Variants in HMCN1 observed in about 807,000 individuals in gnomAD.
The protein encoded by HMCN1 is hemicentin-1.
A neutral mutation model predicts 625.9 loss-of-function variants in HMCN1; 321 were observed. The ratio of observed to expected loss-of-function variants is 0.51; its 90% CI spans 0.47 to 0.56. The LOEUF (loss-of-function observed/expected upper bound fraction) is 0.56, where lower values mean the gene tolerates loss of function less well. Ranked by LOEUF, HMCN1 falls within the 20% of genes least tolerant of loss-of-function variation. The pLI is 0.00. For missense variants in HMCN1, 6,588 were observed against 6,887.3 expected, an observed-to-expected ratio of 0.96 and a Z score of 1.54; for synonymous variants, 2,425 against 2,417.6, an observed-to-expected ratio of 1.00 and a Z score of -0.09.
intron 11 of HMCN1, among the ~76,000 whole-genome samples, chr1:185,937,611 G>A (rs951829475): frequency 6.6e-6 from 1 of 152,114 alleles, no homozygotes; most frequent in African/African-American, 2.4e-5. Context: ...GCTGGACGCA[G>A]TGGCTCACGC....
chr1:186,188,341 G>T (rs1321542893), intron 106 of HMCN1, among the ~76,000 whole-genome samples: 1 of 152,138 alleles, frequency 6.6e-6, no homozygotes, highest in African/African-American at 2.4e-5. Context: ...TTTCATTTCT[G>T]TTGTGTTGCC....
At chr1:185,999,990 T>C in intron 25 of HMCN1, 55 bp from the exon 26 acceptor site, 1 of 1,238,334 alleles carries the variant, frequency 8.1e-7, no homozygotes, top group South Asian at 1.3e-5. Flanking sequence ...TATTTGATAT[T>C]TAATAATTTC....
chr1:185,961,419 T>TC (rs775279043), intron 11 of HMCN1, among the ~76,000 whole-genome samples: 18 of 152,356 alleles, frequency 1.2e-4, no homozygotes, highest in Middle Eastern at 6.8e-3. Flanking sequence ...CATCTGTGTG[T>TC]CCCTGCAAGT....
intron 4 of HMCN1, among the ~76,000 whole-genome samples, chr1:185,908,103 A>G (rs1465137915): frequency 1.3e-5 from 2 of 152,020 alleles, no homozygotes; most frequent in African/African-American, 4.8e-5. Context: ...AAGTGTGGTC[A>G]TCATTACTTA....
rs2102573780 is a variant in HMCN1, at chr1:186,151,263, C to T, written c.14672C>T (p.Ala4891Val). ...GNINDVEFGIAFLNATITDSP... is the reference protein window; with the variant it reads ...GNINDVEFGIVFLNATITDSP... ...ATTAATGATGTTGAATTTGGAATTG[C>T]TTTCCTTAATGCCACAATAACTGAT... Residue 4891 changes from alanine (A) to valine (V), a missense_variant, in exon 94 of 107, where the codon GCT (alanine) becomes GTT (valine). Around this residue, in one of 3 missense-constraint regions of HMCN1, gnomAD observed 1,954 missense variants for 2,013.1 expected, o/e 0.97. Transcript: ENST00000271588. The T allele has an allele frequency of 4.3e-6, 7 of 1,613,618 alleles. No individual in the cohort carries two copies. Among genetic ancestry groups the T allele is most frequent in the Non-Finnish European group, 3.4e-6 (4 of 1,179,600 alleles).
intron 1 of HMCN1, among the ~76,000 whole-genome samples, chr1:185,818,049 T>C (rs2102261719): frequency 6.6e-6 from 1 of 152,324 alleles, no homozygotes; most frequent in South Asian, 2.1e-4. Context: ...TTATTTATTA[T>C]TTCTTCTGGA....
At chr1:185,944,393 A>G (rs1668232283) in intron 11 of HMCN1, among the ~76,000 whole-genome samples, 1 of 152,230 alleles carries the variant, frequency 6.6e-6, no homozygotes, top group Non-Finnish European at 1.5e-5. Context: ...TTACCACTGT[A>G]TAATTCATCC....
At chr1:185,801,804 T>C (rs1658815029) in intron 1 of HMCN1, among the ~76,000 whole-genome samples, 1 of 152,158 alleles carries the variant, frequency 6.6e-6, no homozygotes, top group South Asian at 2.1e-4. Context: ...GAGTTAAGGA[T>C]GGCTGGAGGC....
intron 104 of HMCN1, among the ~76,000 whole-genome samples, chr1:186,180,301 G>A (rs182339394): frequency 1.3e-5 from 2 of 152,232 alleles, no homozygotes; most frequent in East Asian, 1.9e-4. Flanking sequence ...GTCTTTCAAA[G>A]TTTCTTCCAA....
intron 4 of HMCN1, among the ~76,000 whole-genome samples, chr1:185,904,566 T>A (rs1321039203): frequency 6.6e-6 from 1 of 151,846 alleles, no homozygotes; most frequent in Non-Finnish European, 1.5e-5. Flanking sequence ...AGATTCACTC[T>A]TGAAAATTGT....
intron 1 of HMCN1, among the ~76,000 whole-genome samples, chr1:185,831,159 C>T (rs566087771): frequency 6.6e-6 from 1 of 152,100 alleles, no homozygotes; most frequent in East Asian, 1.9e-4. Context: ...AAAAATCCTA[C>T]GTAAAATGTT....
At chr1:186,038,376 T>C (rs1283791698) in intron 37 of HMCN1, among the ~76,000 whole-genome samples, 1 of 152,172 alleles carries the variant, frequency 6.6e-6, no homozygotes, top group Non-Finnish European at 1.5e-5. Flanking sequence ...TAGATAAAAT[T>C]GTCGTTCTAA....
intron 4 of HMCN1, among the ~76,000 whole-genome samples, chr1:185,870,021 G>GT (rs397944329): frequency 0.026 from 3,374 of 128,388 alleles, 76 homozygotes; most frequent in African/African-American, 0.064. Flanking sequence ...ACTGCGTTCT[G>GT]TTTTTTTTTT....
At chr1:185,922,772 T>A (rs554104420) in intron 7 of HMCN1, among the ~76,000 whole-genome samples, 1 of 152,318 alleles carries the variant, frequency 6.6e-6, no homozygotes, top group African/African-American at 2.4e-5. Flanking sequence ...GGCCCAGGAA[T>A]ATGTACTTTA....
rs1235693807 is a variant in HMCN1, at chr1:186,158,621, A to G, written c.15256+4634A>G. On this transcript the variant is annotated intron_variant, in intron 97 of 106. Transcript: ENST00000271588. ...TTGAATTGATTTTTGTATAAGGTGT[A>G]AGGAAGGGATCCAGTTTCAGCTTTC... Among the ~76,000 whole-genome samples, 7 of 152,132 alleles carry G rather than the reference A, an allele frequency of 4.6e-5. No individual in the cohort carries two copies. In the East Asian group the frequency reaches 1.3e-3, roughly 29 times the overall value.
At position 186,057,300 on chromosome 1, in the gene HMCN1, T is replaced by C; in HGVS notation, c.7211T>C (p.Val2404Ala). 2 of 1,610,228 alleles carry C rather than the reference T, an allele frequency of 1.2e-6. No individual in the cohort carries two copies. Among genetic ancestry groups the C allele is most frequent in the South Asian group, 1.1e-5 (1 of 91,010 alleles). The change falls in exon 46 of 107, where the codon GTA (valine) becomes GCA (alanine). Residue 2404 changes from valine to alanine, a missense_variant. By Grantham distance (64) the Val-to-Ala change is moderately conservative (BLOSUM62 0). Transcript: ENST00000271588. ...ATTAGTGTGGTAGAAAAGAACTCAG[T>C]ATCTTTGACTTGTGAAGCTTCTGGA... ...ENISVVEKNS[V>A]SLTCEASGIP...
At position 185,962,604 on chromosome 1, in the gene HMCN1, C is replaced by A; in HGVS notation, c.1915C>A (p.Pro639Thr). The change falls in exon 12 of 107, where the codon CCC (proline) becomes ACC (threonine). Residue 639 changes from proline to threonine, a missense_variant. Around this residue, in one of 3 missense-constraint regions of HMCN1, gnomAD observed 4,628 missense variants for 4,853.1 expected, o/e 0.95. Transcript: ENST00000271588. Reference sequence around the variant, plus strand: ...CATCATGTGTTCTGCAACAGGTTATCCCAAACCAAAGATTGCCTGGACCGT... The same window carrying A: ...CATCATGTGTTCTGCAACAGGTTATACCAAACCAAAGATTGCCTGGACCGT... ...VSIMCSATGYPKPKIAWTVND... is the reference protein window; with the variant it reads ...VSIMCSATGYTKPKIAWTVND... The A allele has an allele frequency of 1.3e-6, 2 of 1,594,470 alleles. No individual in the cohort carries two copies. The highest frequency in any genetic ancestry group is 1.7e-6 in the Non-Finnish European group (2 of 1,162,152).
At chr1:185,862,483 G>A (rs906498751) in intron 2 of HMCN1, among the ~76,000 whole-genome samples, 2 of 152,148 alleles carry the variant, frequency 1.3e-5, no homozygotes, top group South Asian at 2.1e-4. Context: ...CAGATAGCAC[G>A]GTTAACAAAA....
intron 23 of HMCN1, 45 bp from the exon 24 acceptor site, chr1:185,994,770 G>A (rs779530809): frequency 6.3e-7 from 1 of 1,582,922 alleles, no homozygotes; most frequent in East Asian, 2.2e-5. Context: ...GTAAAGAAAG[G>A]AATTTGTGAA....
Sources: allele counts gnomAD v4.1 joint callset (sites outside exome capture counted in the v4.1 genomes callset), GRCh38; gene constraint gnomAD v4.1.1; regional missense constraint gnomAD v4.1.1; transcripts MANE v1.5; gene names NCBI Gene and HGNC (gene_info 2026-07-23, HGNC 2026-07-21).